The following BCAS3 variants were observed in gnomAD, a reference collection of about 807,000 sequenced individuals.
The protein encoded by BCAS3 is BCAS3 microtubule associated cell migration factor, also known as BCAS4/BCAS3 fusion.
In BCAS3, 53 loss-of-function variants were observed where a neutral mutation model predicts 116.1. The observed-to-expected ratio is 0.46, with a 90% CI of 0.37 to 0.57. BCAS3 has a LOEUF of 0.57. Among genes scored for constraint, BCAS3 ranks in the 20% least tolerant of loss-of-function variants. BCAS3 has a pLI of 0.00. For missense variants in BCAS3, 917 were observed against 1,165.4 expected (o/e 0.79, Z 3.10); for synonymous variants, 391 against 408.2 (o/e 0.96, Z 0.51).
At position 61,365,491 on chromosome 17, in the gene BCAS3, G is replaced by A. The variant is rs1007538577; in HGVS notation, c.2426-2836G>A. 6.6e-6 allele frequency among the ~76,000 whole-genome samples: 1 copy of A among 152,082 alleles called. No homozygotes were observed. Among genetic ancestry groups the A allele is most frequent in the Non-Finnish European group, 1.5e-5 (1 of 68,032 alleles). On this transcript the variant is annotated intron_variant, in intron 22 of 23. Transcript: ENST00000407086. This position sits in a 1 kb window ranked among gnomAD's most constrained non-coding sequence, Gnocchi z 4.6. The stretch of plus-strand genomic sequence containing the variant: ...TGGGATTGCAGGTGCCCGCCACCAT[G>A]CCCAGCTAACTTTTGTATTTTTAGT...
intron 7 of BCAS3, among the ~76,000 whole-genome samples, chr17:60,852,713 T>G (rs1347548994): frequency 1.3e-5 from 2 of 152,158 alleles, no homozygotes; most frequent in African/African-American, 4.8e-5. Context: ...CTCAATAATG[T>G]ATGTGATTGG....
chr17:61,066,309 T>A (rs967430779), intron 19 of BCAS3, among the ~76,000 whole-genome samples: 1 of 152,162 alleles, frequency 6.6e-6, no homozygotes, highest in Non-Finnish European at 1.5e-5. Context: ...CCAAATAGAC[T>A]TTTCCTTCAT....
At chr17:60,920,924 A>G (rs2059048862) in intron 12 of BCAS3, among the ~76,000 whole-genome samples, 1 of 149,718 alleles carries the variant, frequency 6.7e-6, no homozygotes, top group Non-Finnish European at 1.5e-5. Context: ...ACAACAACAG[A>G]TACTGGTGGG....
rs530667113 is a variant in BCAS3 at position 60,810,340 on chromosome 17, G to A, written c.476+2264G>A. Reference sequence around the variant, plus strand: ...CTCCACCAACTTCTGGGGTGGCATGGGGTCCAGGGGCCTGGTTGTGGGGAT... The same window carrying A: ...CTCCACCAACTTCTGGGGTGGCATGAGGTCCAGGGGCCTGGTTGTGGGGAT... On this transcript the variant is annotated intron_variant, in intron 7 of 23. Coordinates refer to ENST00000407086, the MANE Select transcript of BCAS3 (RefSeq NM_017679.5). The A allele has an allele frequency of 1.8e-4, 78 of 442,528 alleles. No homozygotes were observed. In the Middle Eastern group the frequency reaches 3.6e-3, roughly 20 times the overall value. 27.4% of individuals were successfully genotyped at this position (442,528 alleles called of 1,614,324 possible).
intron 22 of BCAS3, among the ~76,000 whole-genome samples, chr17:61,334,920 C>T (rs559713516): frequency 1.7e-4 from 26 of 152,188 alleles, no homozygotes; most frequent in African/African-American, 6.0e-4. Flanking sequence ...TGCACCTGGC[C>T]TTCGCAGAAG....
At chr17:60,986,703 G>A (rs570600319) in intron 14 of BCAS3, among the ~76,000 whole-genome samples, 5 of 152,178 alleles carry the variant, frequency 3.3e-5, no homozygotes, top group Admixed American at 1.3e-4. Context: ...ATTTTTTCCT[G>A]TTGAGTTGTT....
At chr17:60,854,512 A>G (rs2053484425) in intron 7 of BCAS3, among the ~76,000 whole-genome samples, 1 of 152,126 alleles carries the variant, frequency 6.6e-6, no homozygotes, top group Non-Finnish European at 1.5e-5. Context: ...GAAAAAAACA[A>G]CCCCATCAAA....
chr17:61,308,579 A>G (rs2054044819), intron 22 of BCAS3, among the ~76,000 whole-genome samples: 2 of 152,062 alleles, frequency 1.3e-5, no homozygotes, highest in African/African-American at 4.8e-5. Context: ...AGCGTGATCT[A>G]TAAATATGGT....
At chr17:60,720,939 C>T (rs1325559112) in intron 5 of BCAS3, among the ~76,000 whole-genome samples, 1 of 152,134 alleles carries the variant, frequency 6.6e-6, no homozygotes, top group South Asian at 2.1e-4. Flanking sequence ...TGACCTAACA[C>T]TAGGTGTCGC....
rs565657750 is a variant in BCAS3 at position 61,226,813 on chromosome 17, T to C, written c.2426-141514T>C. ...CAGCCATATGAGATTGCTGTTACTG[T>C]ATCACATTTACGTATTAGGGAACTG... is the stretch of plus-strand genomic sequence containing the variant. On this transcript the variant is annotated intron_variant, in intron 22 of 23. Coordinates refer to ENST00000407086, the MANE Select transcript of BCAS3 (RefSeq NM_017679.5). The surrounding 1 kb of genome is among the most constrained non-coding windows in gnomAD (Gnocchi z 6.0). Among the ~76,000 whole-genome samples the C allele has an allele frequency of 9.2e-5, 14 of 152,366 alleles. No homozygotes were observed. The highest frequency in any genetic ancestry group is 9.1e-4 in the Admixed American group (14 of 15,312).
Position 61,243,281 on chromosome 17 carries a change from G to T in BCAS3, c.2426-125046G>T, listed in dbSNP as rs978571184. Among the ~76,000 whole-genome samples, 1 of 152,194 alleles carries T rather than the reference G, an allele frequency of 6.6e-6. No individual in the cohort carries two copies. The highest frequency in any genetic ancestry group is 1.5e-5 in the Non-Finnish European group (1 of 68,032). ...ATATACCTATCCATCACCTCCAAAA[G>T]TTACCTGCTGCTCTGGCAGAATCTC... On this transcript the variant is annotated intron_variant, in intron 22 of 23. Coordinates refer to ENST00000407086, the MANE Select transcript of BCAS3 (RefSeq NM_017679.5). This position sits in a 1 kb window ranked among gnomAD's most constrained non-coding sequence, Gnocchi z 5.6.
At chr17:61,383,972 G>T (rs1013535245) in intron 23 of BCAS3, 2 of 152,220 alleles carry the variant, frequency 1.3e-5, no homozygotes, top group Non-Finnish European at 2.9e-5. Context: ...TTCAGGGCTG[G>T]ACTTCAGGAC....
chr17:60,754,839 G>C (rs1416987897), intron 6 of BCAS3, among the ~76,000 whole-genome samples: 1 of 135,032 alleles, frequency 7.4e-6, no homozygotes, highest in Non-Finnish European at 1.6e-5. Flanking sequence ...GAGGAAACAG[G>C]CTTATTGACA....
intron 19 of BCAS3, among the ~76,000 whole-genome samples, chr17:61,043,504 G>A (rs892901975): frequency 6.6e-6 from 1 of 151,862 alleles, no homozygotes; most frequent in Non-Finnish European, 1.5e-5. Context: ...AAAAATAATC[G>A]CTCCCTGCCT....
rs116351277 is a variant in BCAS3 at position 60,757,188 on chromosome 17, A to T, written c.403+9909A>T. Among the ~76,000 whole-genome samples, 182 of 151,824 alleles carry T rather than the reference A, an allele frequency of 1.2e-3. 1 individual carries two copies. The highest frequency in any genetic ancestry group is 4.0e-3 in the African/African-American group (167 of 41,408). ...AGAAAAAAAAAAGGAGTTCCCTTCT[A>T]AATACAAAAATTAGCCACTTGGGGG... is the stretch of plus-strand genomic sequence containing the variant. On this transcript the variant is annotated intron_variant, in intron 6 of 23. Coordinates refer to ENST00000407086, the MANE Select transcript of BCAS3 (RefSeq NM_017679.5).
intron 2 of BCAS3, among the ~76,000 whole-genome samples, chr17:60,682,569 C>T (rs2056471858): frequency 6.6e-6 from 1 of 152,084 alleles, no homozygotes; most frequent in South Asian, 2.1e-4. Context: ...TTTGCCCAAG[C>T]TGGAGTGCAG....
At chr17:60,727,479 C>T (rs1455080443) in intron 5 of BCAS3, 35 of 1,535,202 alleles carry the variant, frequency 2.3e-5, no homozygotes, top group Non-Finnish European at 3.0e-5. Flanking sequence ...GGTACGTTGA[C>T]CATCTTTGCA....
rs141907114 is a variant in BCAS3 at position 60,793,804 on chromosome 17, G to T, written c.404-14200G>T. On this transcript the variant is annotated intron_variant, in intron 6 of 23. Coordinates refer to ENST00000407086, the MANE Select transcript of BCAS3 (RefSeq NM_017679.5). Reference sequence around the variant, plus strand: ...ACACACCAGAGTTTCTTATCCACTTGTTGATTGATGGGCATTTGGGTTGGC... The same window carrying T: ...ACACACCAGAGTTTCTTATCCACTTTTTGATTGATGGGCATTTGGGTTGGC... Among the ~76,000 whole-genome samples, 722 of 152,076 alleles carry T rather than the reference G, an allele frequency of 4.7e-3. 8 individuals carry two copies. Among genetic ancestry groups the T allele is most frequent in the African/African-American group, 0.017 (687 of 41,488 alleles).
At chr17:60,704,035 A>G (rs555368402) in intron 4 of BCAS3, among the ~76,000 whole-genome samples, 10 of 152,326 alleles carry the variant, frequency 6.6e-5, no homozygotes, top group African/African-American at 2.4e-4. Flanking sequence ...TGAAAAATCT[A>G]AAACTGGAGA....
Sources: allele counts gnomAD v4.1 joint callset (sites outside exome capture counted in the v4.1 genomes callset), GRCh38; gene constraint gnomAD v4.1.1; non-coding constraint Gnocchi (gnomAD v3.1); transcripts MANE v1.5; gene names NCBI Gene and HGNC (gene_info 2026-07-23, HGNC 2026-07-21).